The following GRWD1 variants were observed in gnomAD, a reference collection of about 807,000 sequenced individuals.
The protein encoded by GRWD1 is glutamate-rich WD repeat-containing protein 1.
Under a neutral mutation model 45.3 loss-of-function variants are expected in GRWD1, and 29 were observed. The observed-to-expected ratio is 0.64, with a 90% confidence interval of 0.48 to 0.87. The LOEUF (loss-of-function observed/expected upper bound fraction) is 0.87, where lower values mean the gene tolerates loss of function less well. Among genes scored for constraint, GRWD1 ranks in the 40% least tolerant of loss-of-function variants. The pLI is 0.00. For missense variants in GRWD1, 592 were observed against 618.8 expected, an observed-to-expected ratio of 0.96 and a Z score of 0.46; for synonymous variants, 262 against 257.6, an observed-to-expected ratio of 1.02 and a Z score of -0.16.
Position 48,454,022 on chromosome 19 carries a change from C to A in GRWD1, c.*997C>A, listed in dbSNP as rs922206016. 6.6e-6 allele frequency: 1 copy of A among 152,144 alleles called. No individual in the cohort carries two copies. The highest frequency in any genetic ancestry group is 1.5e-5 in the Non-Finnish European group (1 of 68,090). The allele number at this position is 152,144 out of a possible 1,614,324, so 9.4% of individuals were successfully genotyped here. On this transcript the variant is annotated 3_prime_UTR_variant, in exon 7 of 7. Coordinates refer to ENST00000253237, the MANE Select transcript of GRWD1 (RefSeq NM_031485.4). ...CCCCAGGCCGCTAGGCTGGGGGAGG[C>A]CACTGGGAGTCCAGTGCAACCCAAC...
In GRWD1 at chr19:48,452,428, G is replaced by T. The variant is rs141951908; in HGVS notation, c.1024-280G>T. 3.3e-3 allele frequency among the ~76,000 whole-genome samples: 498 copies of T among 152,244 alleles called. No individual in the cohort carries two copies. The highest frequency in any genetic ancestry group is 6.8e-3 in the Middle Eastern group (2 of 294). On this transcript the variant is annotated intron_variant, in intron 6 of 6. Transcript: ENST00000253237. The surrounding 1 kb of genome is among the most constrained non-coding windows in gnomAD (Gnocchi z 5.1). Reference sequence around the variant, plus strand: ...CCTCCTTTTACAAGGAAGAAAACAGGCAGGCAGAGGGAAGAGCAGGGGCGG... The same window carrying T: ...CCTCCTTTTACAAGGAAGAAAACAGTCAGGCAGAGGGAAGAGCAGGGGCGG...
chr19:48,455,978 T>G lies in GRWD1; in HGVS notation c.*2953T>G, dbSNP rs10421340. 13,703 of 152,350 alleles carry G rather than the reference T, an allele frequency of 0.09. 1,182 individuals carry two copies. The highest frequency in any genetic ancestry group is 0.23 in the African/African-American group (9,428 of 41,532). The allele number at this position is 152,350 out of a possible 1,614,324, so 9.4% of individuals were successfully genotyped here. Reference sequence around the variant, plus strand: ...GTGCTCTTGAGAAGACTGTGGTTTGTCACTCGGGCCGTGGCTCCCAGGAGG... The same window carrying G: ...GTGCTCTTGAGAAGACTGTGGTTTGGCACTCGGGCCGTGGCTCCCAGGAGG... On this transcript the variant is annotated 3_prime_UTR_variant, in exon 7 of 7. Transcript: ENST00000253237.
Position 48,452,979 on chromosome 19 carries a change from G to C in GRWD1, c.1295G>C (p.Ser432Thr). Reference sequence around the variant, plus strand: ...CCGCAGTGCCCAGGGCTCCTGGTCAGCACGGCGCTGTCAGGCTTCACCATC... The same window carrying C: ...CCGCAGTGCCCAGGGCTCCTGGTCACCACGGCGCTGTCAGGCTTCACCATC... ...WHPQCPGLLV[S>T]TALSGFTIFR... is the part of the protein sequence containing the mutation. The change falls in exon 7 of 7, where the codon AGC (serine) becomes ACC (threonine). Residue 432 changes from serine to threonine, a missense_variant. By Grantham distance (58) the Ser-to-Thr change is moderately conservative (BLOSUM62 1). Coordinates refer to ENST00000253237, the MANE Select transcript of GRWD1 (RefSeq NM_031485.4). The surrounding 1 kb of genome is among the most constrained non-coding windows in gnomAD (Gnocchi z 5.1). 6.2e-7 allele frequency: 1 copy of C among 1,603,666 alleles called. No individual in the cohort carries two copies. The highest frequency in any genetic ancestry group is 1.1e-5 in the South Asian group (1 of 90,828).
chr19:48,450,893 G>A lies in GRWD1; in HGVS notation c.825+85G>A. 3 of 1,520,196 alleles carry A rather than the reference G, an allele frequency of 2.0e-6. No individual in the cohort carries two copies. Among genetic ancestry groups the A allele is most frequent in the African/African-American group, 1.4e-5 (1 of 72,324 alleles). 94.2% of individuals were successfully genotyped at this position (1,520,196 alleles called of 1,614,324 possible). ...AATCCTAGGTCTGAGGGAAAAGAGG[G>A]CTGGGAGCCTGACGGAGGTTTAGTT... On this transcript the variant is annotated intron_variant, in intron 5 of 6. Transcript: ENST00000253237. The surrounding 1 kb of genome is among the most constrained non-coding windows in gnomAD (Gnocchi z 5.1).
chr19:48,449,807 C>T (rs759164725), intron 3 of GRWD1, among the ~76,000 whole-genome samples: 2 of 152,158 alleles, frequency 1.3e-5, no homozygotes, highest in African/African-American at 4.8e-5. Flanking sequence ...GGCAACAGAG[C>T]GGGACCCTGT....
Position 48,450,659 on chromosome 19 carries a change from T to TC in GRWD1, c.683-3dup, listed in dbSNP as rs1255126454. ...GGGCGAGGTCATTTCCTGACTCCCT[T>TC]CCCCAGGTCGCCTGCTGACCGGTGA... On this transcript the variant is annotated splice_region_variant and splice_polypyrimidine_tract_variant and intron_variant, in intron 4 of 6. Transcript: ENST00000253237. The surrounding 1 kb of genome is among the most constrained non-coding windows in gnomAD (Gnocchi z 5.1). 3 of 1,612,990 alleles carry TC rather than the reference T, an allele frequency of 1.9e-6. No homozygotes were observed. The highest frequency in any genetic ancestry group is 2.5e-6 in the Non-Finnish European group (3 of 1,179,616).
Position 48,452,670 on chromosome 19 carries a change from G to A in GRWD1, c.1024-38G>A, listed in dbSNP as rs1971488839. The stretch of plus-strand genomic sequence containing the variant: ...TGGGTCCTCCCCAGAGTCAGGCTGA[G>A]GCATTCAGAGCCCGTTCCTCCCATC... On this transcript the variant is annotated intron_variant, in intron 6 of 6. Transcript: ENST00000253237. The surrounding 1 kb of genome is among the most constrained non-coding windows in gnomAD (Gnocchi z 5.1). 2.7e-6 allele frequency: 4 copies of A among 1,509,294 alleles called. No homozygotes were observed. The Admixed American group carries it at 5.9e-5, about 22-fold the overall frequency. 93.5% of individuals were successfully genotyped at this position (1,509,294 alleles called of 1,614,324 possible).
In GRWD1 at chr19:48,446,475, C is replaced by T. The variant is rs1370909333; in HGVS notation, c.278C>T (p.Thr93Ile). Residue 93 changes from threonine to isoleucine, a missense_variant, in exon 2 of 7, where the codon ACC becomes ATC. Coordinates refer to ENST00000253237, the MANE Select transcript of GRWD1 (RefSeq NM_031485.4). ...CTTACACTTTACTTGTGTGCTGGGA[C>T]CCAGGCTGAGAGCGCCCAGAGCAAC... ...LPLTLYLCAGTQAESAQSNRL... is the reference protein window; with the variant it reads ...LPLTLYLCAGIQAESAQSNRL... 1 of 1,614,086 alleles carries T rather than the reference C, an allele frequency of 6.2e-7. No individual in the cohort carries two copies. Among genetic ancestry groups the T allele is most frequent in the Admixed American group, 1.7e-5 (1 of 60,016 alleles).
chr19:48,449,311 C>G (rs963301720), intron 3 of GRWD1, among the ~76,000 whole-genome samples: 13 of 152,140 alleles, frequency 8.5e-5, no homozygotes, highest in African/African-American at 2.9e-4. Context: ...CCAGGGTGGT[C>G]TCGCTCCTGA....
chr19:48,447,611 G>A (rs746937840), intron 3 of GRWD1, among the ~76,000 whole-genome samples: 16 of 151,576 alleles, frequency 1.1e-4, no homozygotes, highest in African/African-American at 1.7e-4. Context: ...TCCTGACCTC[G>A]AGTGATTGAT....
At position 48,446,200 on chromosome 19, in the gene GRWD1, TGAGTCCG is replaced by T. The variant is rs1324615077; in HGVS notation, c.187+11_187+17del. Reference sequence around the variant, plus strand: ...ACCACCGAGCGCAGACTGGTAGGGCTGAGTCCGGACTCCAGGGTCCTGAGGTGGCTGA... The same window carrying T: ...ACCACCGAGCGCAGACTGGTAGGGCTGACTCCAGGGTCCTGAGGTGGCTGA... On this transcript the variant is annotated intron_variant, in intron 1 of 6. Coordinates refer to ENST00000253237, the MANE Select transcript of GRWD1 (RefSeq NM_031485.4). The T allele has an allele frequency of 1.3e-6, 2 of 1,591,918 alleles. No homozygotes were observed. Among genetic ancestry groups the T allele is most frequent in the Admixed American group, 3.8e-5 (2 of 53,132 alleles).
In GRWD1 at chr19:48,453,401, G is replaced by A. The variant is rs1188867004; in HGVS notation, c.*376G>A. 1.1e-5 allele frequency: 2 copies of A among 175,768 alleles called. No homozygotes were observed. Among genetic ancestry groups the A allele is most frequent in the African/African-American group, 4.7e-5 (2 of 42,306 alleles). The allele number at this position is 175,768 out of a possible 1,614,324, so 10.9% of individuals were successfully genotyped here. On this transcript the variant is annotated 3_prime_UTR_variant, in exon 7 of 7. Coordinates refer to ENST00000253237, the MANE Select transcript of GRWD1 (RefSeq NM_031485.4). ...CGCCCAGGCTGGAGTGCAGTAGCAC[G>A]ATCTTGGCTCACTGCAACCTCCGCC...
At chr19:48,448,794 A>G (rs1374318889) in intron 3 of GRWD1, among the ~76,000 whole-genome samples, 1 of 152,202 alleles carries the variant, frequency 6.6e-6, no homozygotes, top group Non-Finnish European at 1.5e-5. Context: ...AGAATGAACA[A>G]AAGGGAGAAT....
intron 3 of GRWD1, among the ~76,000 whole-genome samples, chr19:48,448,573 C>G (rs1443362971): frequency 6.6e-6 from 1 of 152,146 alleles, no homozygotes; most frequent in Admixed American, 6.6e-5. Flanking sequence ...GGTTAGGGTG[C>G]TCCAGGAGTG....
At position 48,446,848 on chromosome 19, in the gene GRWD1, G is replaced by A; in HGVS notation, c.468+5G>A. ...GGTGGCATCAACCGAGTTCGGGTAA[G>A]TATGGTCCCAGGAGCCTGCTCTGCA... On this transcript the variant is annotated splice_donor_5th_base_variant and intron_variant, in intron 3 of 6. Coordinates refer to ENST00000253237, the MANE Select transcript of GRWD1 (RefSeq NM_031485.4). The A allele has an allele frequency of 6.2e-7, 1 of 1,610,264 alleles. No individual in the cohort carries two copies. The highest frequency in any genetic ancestry group is 8.5e-7 in the Non-Finnish European group (1 of 1,178,498).
At chr19:48,451,966 T>C (rs1426363007) in intron 6 of GRWD1, among the ~76,000 whole-genome samples, 1 of 152,224 alleles carries the variant, frequency 6.6e-6, no homozygotes, top group Non-Finnish European at 1.5e-5. Flanking sequence ...TTTGCTGTAG[T>C]GAAAGTGCTG....
rs1971411537 is a variant in GRWD1 at position 48,446,852 on chromosome 19, G to T, written c.468+9G>T. 1 of 1,610,550 alleles carries T rather than the reference G, an allele frequency of 6.2e-7. No individual in the cohort carries two copies. The highest frequency in any genetic ancestry group is 8.5e-7 in the Non-Finnish European group (1 of 1,178,876). ...GCATCAACCGAGTTCGGGTAAGTAT[G>T]GTCCCAGGAGCCTGCTCTGCATACT... On this transcript the variant is annotated intron_variant, in intron 3 of 6. Transcript: ENST00000253237.
chr19:48,446,273 C>T (rs527477216), intron 1 of GRWD1, 81 bp downstream of exon 1: 221 of 1,562,160 alleles, frequency 1.4e-4, no homozygotes, highest in African/African-American at 3.4e-4. Flanking sequence ...GAAGAGAAGG[C>T]TGGGGTCTAA....
chr19:48,446,118 G>A lies in GRWD1; in HGVS notation c.113G>A (p.Gly38Glu). 6.2e-7 allele frequency: 1 copy of A among 1,602,854 alleles called. No homozygotes were observed. The highest frequency in any genetic ancestry group is 1.1e-5 in the South Asian group (1 of 89,372). The stretch of plus-strand genomic sequence containing the variant: ...GCCCAGGTCTACCTGCCCGGCCGGG[G>A]GCCGCCGCTACGCGAAGGGGAGGAG... The part of the protein sequence containing the change: ...GPAQVYLPGR[G>E]PPLREGEELV... Residue 38 changes from glycine (G) to glutamate (E), a missense_variant, in exon 1 of 7, where the codon GGG becomes GAG. By Grantham distance (98) the Gly-to-Glu change is moderately conservative. Coordinates refer to ENST00000253237, the MANE Select transcript of GRWD1 (RefSeq NM_031485.4).
Sources: allele counts gnomAD v4.1 joint callset (sites outside exome capture counted in the v4.1 genomes callset), GRCh38; gene constraint gnomAD v4.1.1; non-coding constraint Gnocchi (gnomAD v3.1); transcripts MANE v1.5; gene names NCBI Gene and HGNC (gene_info 2026-07-23, HGNC 2026-07-21).